The following CACNA1A variants were observed in gnomAD, a reference collection of about 807,000 sequenced individuals.
CACNA1A encodes calcium voltage-gated channel subunit alpha1 A.
CACNA1A carries 57 observed loss-of-function variants against 262.4 expected under a neutral mutation model. The ratio of observed to expected loss-of-function variants is 0.22; its 90% CI spans 0.18 to 0.27. The LOEUF (loss-of-function observed/expected upper bound fraction) is 0.27, where lower values mean the gene tolerates loss of function less well. Ranked by LOEUF, CACNA1A falls within the 10% of genes least tolerant of loss-of-function variation. The pLI is 1.00. For synonymous variants in CACNA1A, 1,431 were observed against 1,419.3 expected (o/e 1.01, Z -0.18); for missense variants, 2,526 against 3,562.8 (o/e 0.71, Z 7.41).
chr19:13,247,343 G>A (rs895527401), intron 30 of CACNA1A, among the ~76,000 whole-genome samples: 3 of 152,210 alleles, frequency 2.0e-5, no homozygotes, highest in Admixed American at 2.0e-4. Context: ...GCTGAGCATG[G>A]AATATACAGT....
chr19:13,449,304 A>T (rs1377584033), intron 3 of CACNA1A, among the ~76,000 whole-genome samples: 2 of 151,488 alleles, frequency 1.3e-5, no homozygotes, highest in African/African-American at 4.9e-5. Flanking sequence ...AACAACAACA[A>T]CAACAAAAAA....
In CACNA1A at chr19:13,308,673, T is replaced by G. The variant is rs577041729; in HGVS notation, c.1669-145A>C. ...CGGGTGAGGATCCTTGACCCCCTCA[T>G]TCATCCATTCATTTATCTATAGAGA... On this transcript the variant is annotated intron_variant, in intron 12 of 46. Transcript: ENST00000360228. This position sits in a 1 kb window ranked among gnomAD's most constrained non-coding sequence, Gnocchi z 4.2. The G allele has an allele frequency of 3.4e-6, 2 of 582,098 alleles. No individual in the cohort carries two copies. Among genetic ancestry groups the G allele is most frequent in the African/African-American group, 1.9e-5 (1 of 53,524 alleles). The allele number at this position is 582,098 out of a possible 1,614,324, so 36.1% of individuals were successfully genotyped here.
chr19:13,440,489 G>A (rs970371239), intron 3 of CACNA1A, among the ~76,000 whole-genome samples: 1 of 152,206 alleles, frequency 6.6e-6, no homozygotes, highest in African/African-American at 2.4e-5. Context: ...TGGGCCTGGG[G>A]AAGTAGTAAT....
At chr19:13,502,126 T>C (rs1206080908) in intron 1 of CACNA1A, among the ~76,000 whole-genome samples, 1 of 144,360 alleles carries the variant, frequency 6.9e-6, no homozygotes, top group Non-Finnish European at 1.5e-5. Context: ...GCGCTTCTCA[T>C]GCAGAAAGTT....
intron 3 of CACNA1A, among the ~76,000 whole-genome samples, chr19:13,394,251 T>C (rs994380919): frequency 2.6e-5 from 4 of 152,170 alleles, no homozygotes; most frequent in African/African-American, 9.7e-5. Flanking sequence ...AGCTAGCACA[T>C]GGCTGGGCTG....
rs759754710 is a variant in CACNA1A, at chr19:13,455,185, G to A, written c.321C>T (p.Thr107=). The A allele has an allele frequency of 4.0e-5, 64 of 1,609,108 alleles. 1 individual carries two copies. The South Asian group carries it at 6.9e-4, about 17-fold the overall frequency. The change falls in exon 2 of 47, where the codon ACC becomes ACT. Residue 107 remains threonine, a synonymous_variant. Coordinates refer to ENST00000360228, the MANE Select transcript of CACNA1A (RefSeq NM_001127222.2). ...WPPFEYMILA[T]IIANCIVLAL... Reference sequence around the variant, plus strand: ...CGAGGACGATGCAATTCGCTATGATGGTGGCTAAAATCATATATTCAAAGG... The same window carrying A: ...CGAGGACGATGCAATTCGCTATGATAGTGGCTAAAATCATATATTCAAAGG...
At chr19:13,369,010 C>T (rs1259647321) in intron 4 of CACNA1A, among the ~76,000 whole-genome samples, 2 of 121,632 alleles carry the variant, frequency 1.6e-5, no homozygotes, top group Non-Finnish European at 3.0e-5. Context: ...TGCACTCCAG[C>T]CTGGGCGACA....
At chr19:13,243,032 A>G (rs1276238719) in intron 31 of CACNA1A, among the ~76,000 whole-genome samples, 1 of 151,974 alleles carries the variant, frequency 6.6e-6, no homozygotes, top group Non-Finnish European at 1.5e-5. Context: ...AACTTCCTCC[A>G]CCCCACCTGC....
At position 13,283,315 on chromosome 19, in the gene CACNA1A, G is replaced by A. The variant is rs759641758; in HGVS notation, c.3774C>T (p.Ile1258=). The A allele has an allele frequency of 3.7e-5, 60 of 1,613,860 alleles. No homozygotes were observed. Among genetic ancestry groups the A allele is most frequent in the Non-Finnish European group, 4.2e-5 (49 of 1,179,872 alleles). ...GCACAGGGTCCTCGGCGGCCAGGGCGATGCTGCTCATGGCAATGACCATGA... is the reference window on the plus strand; with the variant it reads ...GCACAGGGTCCTCGGCGGCCAGGGCAATGCTGCTCATGGCAATGACCATGA... The part of the protein sequence containing the change: ...CILMVIAMSS[I]ALAAEDPVQP... The change falls in exon 22 of 47, where the codon ATC becomes ATT. Residue 1258 remains isoleucine, a synonymous_variant. Coordinates refer to ENST00000360228, the MANE Select transcript of CACNA1A (RefSeq NM_001127222.2).
At chr19:13,238,485 C>G (rs1456257353) in intron 31 of CACNA1A, among the ~76,000 whole-genome samples, 2 of 152,002 alleles carry the variant, frequency 1.3e-5, no homozygotes, top group East Asian at 3.8e-4. Context: ...ACCTGCCTAT[C>G]TGACTTATTT....
chr19:13,430,219 T>A (rs66492086), intron 3 of CACNA1A, among the ~76,000 whole-genome samples: 23 of 149,656 alleles, frequency 1.5e-4, no homozygotes, highest in South Asian at 2.1e-4. Flanking sequence ...ATATATATAT[T>A]TTTTGAGACA....
chr19:13,425,871 C>T (rs1033500698), intron 3 of CACNA1A, among the ~76,000 whole-genome samples: 2 of 152,024 alleles, frequency 1.3e-5, no homozygotes, highest in African/African-American at 4.8e-5. Flanking sequence ...GCCTGGCCAA[C>T]GTGGTGAAAC....
At chr19:13,344,869 C>A (rs1439642127) in intron 6 of CACNA1A, among the ~76,000 whole-genome samples, 1 of 152,000 alleles carries the variant, frequency 6.6e-6, no homozygotes, top group East Asian at 1.9e-4. Context: ...ATTCTTGTGC[C>A]TCGGCCTCCC....
intron 38 of CACNA1A, among the ~76,000 whole-genome samples, chr19:13,217,355 C>T (rs148048823): frequency 1.1e-3 from 173 of 152,254 alleles, no homozygotes; most frequent in African/African-American, 3.9e-3. Flanking sequence ...ATCTGTACCC[C>T]CTTTGCAGCC....
chr19:13,491,097 C>T (rs1243610851), intron 1 of CACNA1A, among the ~76,000 whole-genome samples: 1 of 152,218 alleles, frequency 6.6e-6, no homozygotes, highest in Non-Finnish European at 1.5e-5. Context: ...CTTGCCCACT[C>T]GCACACCAAC....
At chr19:13,217,196 CAG>C (rs2055043837) in intron 38 of CACNA1A, among the ~76,000 whole-genome samples, 1 of 150,134 alleles carries the variant, frequency 6.7e-6, no homozygotes, top group Non-Finnish European at 1.5e-5. Context: ...GCAGAGAGAA[CAG>C]AGGGGTGGGT....
chr19:13,394,953 T>C (rs10408936), intron 3 of CACNA1A, among the ~76,000 whole-genome samples: 36,417 of 151,958 alleles, frequency 0.24, 9,322 homozygotes, highest in African/African-American at 0.64. Context: ...CCTCCACCTT[T>C]CTTTGTAAAA....
At chr19:13,255,367 GTC>G in intron 28 of CACNA1A, 108 bp from the exon 29 acceptor site, 1 of 1,017,132 alleles carries the variant, frequency 9.8e-7, no homozygotes, top group Non-Finnish European at 1.4e-6. Context: ...TTCTGCTTGA[GTC>G]TCTGCCTCTC....
chr19:13,371,444 A>G (rs901171182), intron 4 of CACNA1A: 2 of 503,394 alleles, frequency 4.0e-6, no homozygotes, highest in Non-Finnish European at 7.1e-6. Flanking sequence ...CGTGGTGCTT[A>G]GCATGGCTCC....
Sources: gnomAD v4.1 joint callset for allele counts (sites outside exome capture counted in the v4.1 genomes callset) on GRCh38, gnomAD v4.1.1 for gene constraint, Gnocchi (gnomAD v3.1) non-coding constraint, MANE v1.5 for transcripts, NCBI Gene and HGNC (gene_info 2026-07-23, HGNC 2026-07-21) for gene names.